LINC00305: variants seen among roughly 807,000 people sequenced by gnomAD.
LINC00305 encodes long intergenic non-protein coding RNA 305.
intron 1 of LINC00305, among the ~76,000 whole-genome samples, chr18:64,100,392 G>T (rs919164580): frequency 1.3e-5 from 2 of 152,156 alleles, no homozygotes; most frequent in African/African-American, 2.4e-5. Context: ...GAGGGCTTGT[G>T]TGTTCACCAC....
intron 1 of LINC00305, among the ~76,000 whole-genome samples, chr18:64,113,527 T>C (rs1270044474): frequency 6.6e-6 from 1 of 152,198 alleles, no homozygotes; most frequent in Non-Finnish European, 1.5e-5. Flanking sequence ...GGGAAGCACT[T>C]ATAAGACTTA....
At chr18:64,130,957 G>A (rs1364088743) in intron 1 of LINC00305, among the ~76,000 whole-genome samples, 1 of 152,144 alleles carries the variant, frequency 6.6e-6, no homozygotes, top group Non-Finnish European at 1.5e-5. Flanking sequence ...TGTAGGTAAA[G>A]GACAGCTAAC....
chr18:64,087,024 C>G (rs2051206075), intron 3 of LINC00305, among the ~76,000 whole-genome samples: 1 of 152,068 alleles, frequency 6.6e-6, no homozygotes, highest in Admixed American at 6.6e-5. Context: ...TATGATATTA[C>G]TCAAAAAGAA....
At chr18:64,136,958 G>C (rs1414359244) in intron 1 of LINC00305, among the ~76,000 whole-genome samples, 1 of 152,158 alleles carries the variant, frequency 6.6e-6, no homozygotes, top group East Asian at 1.9e-4. Context: ...ATTGCATTGG[G>C]TTGCATAGCG....
At chr18:64,101,824 T>C (rs1179763251) in intron 1 of LINC00305, among the ~76,000 whole-genome samples, 8 of 152,150 alleles carry the variant, frequency 5.3e-5, no homozygotes, top group African/African-American at 1.9e-4. Context: ...CAAATGGAAA[T>C]CCATCTTCAG....
intron 1 of LINC00305, among the ~76,000 whole-genome samples, chr18:64,123,395 T>C (rs887271682): frequency 1.1e-4 from 16 of 152,110 alleles, no homozygotes; most frequent in African/African-American, 2.9e-4. Context: ...TTTAGGAATA[T>C]TTAAGACTCA....
chr18:64,140,217 C>CT (rs144171321), intron 1 of LINC00305, among the ~76,000 whole-genome samples: 5,714 of 151,042 alleles, frequency 0.038, 359 homozygotes, highest in African/African-American at 0.13. Context: ...TTCTTTCTTT[C>CT]TTTTTTTTTG....
chr18:64,100,081 A>C (rs610433), intron 1 of LINC00305, among the ~76,000 whole-genome samples: 1 of 152,144 alleles, frequency 6.6e-6, no homozygotes, highest in Non-Finnish European at 1.5e-5. Flanking sequence ...CTTAATATCC[A>C]ATTATTTTTA....
At chr18:64,131,734 G>A (rs953974003) in intron 1 of LINC00305, among the ~76,000 whole-genome samples, 2 of 152,186 alleles carry the variant, frequency 1.3e-5, no homozygotes, top group African/African-American at 4.8e-5. Context: ...TAGAAATGTT[G>A]TAGCATCACT....
At chr18:64,120,997 AT>A (rs2051359361) in intron 1 of LINC00305, among the ~76,000 whole-genome samples, 1 of 152,064 alleles carries the variant, frequency 6.6e-6, no homozygotes, top group Non-Finnish European at 1.5e-5. Flanking sequence ...AAACTTTAAA[AT>A]TTTTTTATTT....
chr18:64,142,371 G>T (rs951789894), intron 1 of LINC00305, among the ~76,000 whole-genome samples: 1 of 152,162 alleles, frequency 6.6e-6, no homozygotes, highest in Admixed American at 6.5e-5. Flanking sequence ...TTCCTGGCCT[G>T]GTGGATCCAG....
At chr18:64,111,738 C>T (rs762997779) in intron 1 of LINC00305, among the ~76,000 whole-genome samples, 4 of 152,248 alleles carry the variant, frequency 2.6e-5, no homozygotes, top group African/African-American at 4.8e-5. Context: ...GGTCTCTCAA[C>T]CTGCCTGAGT....
chr18:64,093,887 T>C (rs1458987200), intron 3 of LINC00305, among the ~76,000 whole-genome samples: 1 of 151,854 alleles, frequency 6.6e-6, no homozygotes, highest in Non-Finnish European at 1.5e-5. Flanking sequence ...CCAGGAGGCA[T>C]TGGTCACCCC....
At chr18:64,105,665 G>T (rs1301417212) in intron 1 of LINC00305, among the ~76,000 whole-genome samples, 1 of 152,148 alleles carries the variant, frequency 6.6e-6, no homozygotes, top group Non-Finnish European at 1.5e-5. Flanking sequence ...ATGGGATAGG[G>T]TGGCAATGGT....
chr18:64,120,886 TAG>T (rs1368990010), intron 1 of LINC00305, among the ~76,000 whole-genome samples: 3 of 152,184 alleles, frequency 2.0e-5, no homozygotes, highest in Admixed American at 6.6e-5. Flanking sequence ...TAGATGATTA[TAG>T]ACTACTGGAA....
chr18:64,144,400 T>C (rs1233551600), intron 1 of LINC00305, among the ~76,000 whole-genome samples: 2 of 152,228 alleles, frequency 1.3e-5, no homozygotes, highest in South Asian at 2.1e-4. Flanking sequence ...AGCAGGAAAA[T>C]GCACTTTCCC....
At chr18:64,136,963 A>T (rs1472412661) in intron 1 of LINC00305, among the ~76,000 whole-genome samples, 1 of 152,328 alleles carries the variant, frequency 6.6e-6, no homozygotes, top group East Asian at 1.9e-4. Flanking sequence ...ATTGGGTTGC[A>T]TAGCGTCCAC....
intron 1 of LINC00305, among the ~76,000 whole-genome samples, chr18:64,125,628 A>AATCT (rs5825555): frequency 0.24 from 36,625 of 151,684 alleles, 4,626 homozygotes; most frequent in Non-Finnish European, 0.27. Flanking sequence ...ATATGTCTTA[A>AATCT]ATCTATCTTT....
At chr18:64,113,363 C>T (rs2051323567) in intron 1 of LINC00305, among the ~76,000 whole-genome samples, 1 of 152,200 alleles carries the variant, frequency 6.6e-6, no homozygotes, top group Admixed American at 6.5e-5. Context: ...ATCATTATTA[C>T]CCCAAGAAGA....
Sources: gnomAD v4.1 joint callset for allele counts (sites outside exome capture counted in the v4.1 genomes callset) on GRCh38, gnomAD v4.1.1 for gene constraint, MANE v1.5 for transcripts, NCBI Gene and HGNC (gene_info 2026-07-23, HGNC 2026-07-21) for gene names.